ZNF155: variants seen among roughly 807,000 people sequenced by gnomAD.
ZNF155 encodes the protein zinc finger protein 155.
ZNF155 carries 15 observed loss-of-function variants against 11.9 expected under a neutral mutation model. The ratio of observed to expected loss-of-function variants is 1.26; its 90% confidence interval spans 0.84 to 1.94. The LOEUF is 1.94. Ranked by LOEUF, ZNF155 falls within the 30% of genes most tolerant of loss-of-function variation. The pLI is 0.00. For synonymous variants in ZNF155, 212 were observed against 219.9 expected, an observed-to-expected ratio of 0.96 and a Z score of 0.32; for missense variants, 602 against 639.1, an observed-to-expected ratio of 0.94 and a Z score of 0.63.
chr19:43,990,784 A>G (rs1975630773), intron 2 of ZNF155, among the ~76,000 whole-genome samples: 1 of 152,206 alleles, frequency 6.6e-6, no homozygotes, highest in South Asian at 2.1e-4. Context: ...TACGTGAAGC[A>G]GATTTGTTAT....
intron 4 of ZNF155, among the ~76,000 whole-genome samples, chr19:43,994,425 A>G (rs1172450860): frequency 1.3e-5 from 2 of 152,246 alleles, no homozygotes; most frequent in African/African-American, 4.8e-5. Flanking sequence ...TGTTGTGCAG[A>G]GTTCAACCAA....
chr19:43,991,026 G>C (rs1054939724), intron 2 of ZNF155, among the ~76,000 whole-genome samples: 3 of 152,162 alleles, frequency 2.0e-5, no homozygotes, highest in African/African-American at 7.2e-5. Context: ...CAGGAACATT[G>C]CATTGCTAGC....
intron 1 of ZNF155, among the ~76,000 whole-genome samples, chr19:43,985,839 C>T (rs1975422919): frequency 6.6e-6 from 1 of 152,186 alleles, no homozygotes; most frequent in Non-Finnish European, 1.5e-5. Context: ...CGCGCCCGGT[C>T]GCTCTTTTCC....
chr19:43,997,578 A>T lies in ZNF155; in HGVS notation c.*104A>T. 9.3e-7 allele frequency: 1 copy of T among 1,078,818 alleles called. No homozygotes were observed. Among genetic ancestry groups the T allele is most frequent in the Middle Eastern group, 3.1e-4 (1 of 3,218 alleles). The allele number at this position is 1,078,818 out of a possible 1,614,324, so 66.8% of individuals were successfully genotyped here. On this transcript the variant is annotated 3_prime_UTR_variant, in exon 5 of 5. Coordinates refer to ENST00000270014, the MANE Select transcript of ZNF155 (RefSeq NM_198089.3). ...GTATCTGTTACCTCAAACATTTACC[A>T]TTTCTTTGTGTTGGAAAATTCAAAA...
chr19:43,991,365 T>TC (rs1415034225), intron 2 of ZNF155, among the ~76,000 whole-genome samples, 183 bp from the exon 3 acceptor site: 1 of 152,146 alleles, frequency 6.6e-6, no homozygotes, highest in Non-Finnish European at 1.5e-5. Context: ...CTGGTGGAGT[T>TC]CAGGAAAATC....
chr19:43,995,330 T>C (rs536704833), intron 4 of ZNF155, among the ~76,000 whole-genome samples: 4 of 151,746 alleles, frequency 2.6e-5, no homozygotes, highest in South Asian at 2.1e-4. Flanking sequence ...GGTCTTGAAC[T>C]CCTGACCTCA....
intron 4 of ZNF155, among the ~76,000 whole-genome samples, chr19:43,993,094 A>C (rs1398207834): frequency 6.6e-6 from 1 of 152,174 alleles, no homozygotes; most frequent in Non-Finnish European, 1.5e-5. Flanking sequence ...GTCTATATAC[A>C]CTTCACTGGC....
At chr19:43,987,837 A>G (rs1177723664) in intron 1 of ZNF155, among the ~76,000 whole-genome samples, 1 of 152,146 alleles carries the variant, frequency 6.6e-6, no homozygotes, top group Admixed American at 6.6e-5. Context: ...TCCCAATTCT[A>G]TTGAGGTATT....
Position 43,996,975 on chromosome 19 carries a change from A to G in ZNF155, c.1118A>G (p.Asn373Ser). Residue 373 changes from asparagine to serine, a missense_variant, in exon 5 of 5, where the codon AAT (asparagine) becomes AGT (serine). Physicochemically the swap from Asn to Ser is conservative, Grantham distance 46 (BLOSUM62 1). Coordinates refer to ENST00000270014, the MANE Select transcript of ZNF155 (RefSeq NM_198089.3). Reference protein sequence around the residue: ...QVVHTGEKPYNCKECGKSFRW... With the variant: ...QVVHTGEKPYSCKECGKSFRW... ...GTCCACACAGGAGAAAAACCATATA[A>G]TTGTAAAGAATGTGGGAAGAGCTTC... The G allele has an allele frequency of 1.2e-6, 2 of 1,614,168 alleles. No individual in the cohort carries two copies. Among genetic ancestry groups the G allele is most frequent in the Non-Finnish European group, 1.7e-6 (2 of 1,180,004 alleles).
In ZNF155 at chr19:43,996,496, T is replaced by A; in HGVS notation, c.639T>A (p.Phe213Leu). Residue 213 changes from phenylalanine to leucine, a missense_variant, in exon 5 of 5, where the codon TTT (phenylalanine) becomes TTA (leucine). By Grantham distance (22) the Phe-to-Leu change is conservative. Transcript: ENST00000270014. ...TGTGTGATGTGTGTGGCAAGGAATT[T>A]AGTCAAAGCTCACATCTGCAAACTC... ...LFMCDVCGKE[F>L]SQSSHLQTHQ... 1.2e-6 allele frequency: 2 copies of A among 1,614,138 alleles called. No homozygotes were observed. Among genetic ancestry groups the A allele is most frequent in the Non-Finnish European group, 1.7e-6 (2 of 1,180,012 alleles).
At chr19:43,987,479 G>A (rs1975502639) in intron 1 of ZNF155, among the ~76,000 whole-genome samples, 1 of 152,146 alleles carries the variant, frequency 6.6e-6, no homozygotes, top group African/African-American at 2.4e-5. Context: ...CATTGTTATT[G>A]CTTCTGGGCC....
At chr19:43,994,855 C>A (rs1009735599) in intron 4 of ZNF155, among the ~76,000 whole-genome samples, 1 of 152,220 alleles carries the variant, frequency 6.6e-6, no homozygotes, top group African/African-American at 2.4e-5. Context: ...AGTCCACTAA[C>A]TCTCTGTGAC....
At position 43,989,918 on chromosome 19, in the gene ZNF155, C is replaced by G. The variant is rs139577229; in HGVS notation, c.15+1360C>G. 850 of 625,286 alleles carry G rather than the reference C, an allele frequency of 1.4e-3. 8 individuals are homozygous for G. In the Admixed American group the frequency reaches 0.02, roughly 14 times the overall value. The allele number at this position is 625,286 out of a possible 1,614,324, so 38.7% of individuals were successfully genotyped here. On this transcript the variant is annotated intron_variant, in intron 2 of 4. Coordinates refer to ENST00000270014, the MANE Select transcript of ZNF155 (RefSeq NM_198089.3). The stretch of plus-strand genomic sequence containing the variant: ...GATAGGAACAAAGGACACTAAAAGG[C>G]CAATGTAAAAGGAGAAGTAGAGATG...
At position 43,991,669 on chromosome 19, in the gene ZNF155, C is replaced by A; in HGVS notation, c.137C>A (p.Ser46Ter). ...VMLENFRNLL[S>*]VGHQPFHQDT... Reference sequence around the variant, plus strand: ...CTGGAGAACTTCAGGAACCTGCTCTCAGTGGGTGAGCACGGGCATCTTTTG... The same window carrying A: ...CTGGAGAACTTCAGGAACCTGCTCTAAGTGGGTGAGCACGGGCATCTTTTG... The change falls in exon 3 of 5, where the codon TCA (serine) becomes TAA (stop). Residue 46 changes from serine to a stop codon, truncating the protein, a stop_gained. Transcript: ENST00000270014. LOFTEE classifies it high-confidence loss of function. The A allele has an allele frequency of 6.2e-7, 1 of 1,614,098 alleles. No individual in the cohort carries two copies. The highest frequency in any genetic ancestry group is 1.6e-4 in the Middle Eastern group (1 of 6,062).
intron 1 of ZNF155, among the ~76,000 whole-genome samples, chr19:43,984,901 G>A (rs1275499227): frequency 6.6e-6 from 1 of 152,104 alleles, no homozygotes; most frequent in Non-Finnish European, 1.5e-5. Context: ...TATCCGGGAC[G>A]GCGACGCAGA....
chr19:43,991,240 T>C (rs1975650351), intron 2 of ZNF155, among the ~76,000 whole-genome samples: 2 of 152,142 alleles, frequency 1.3e-5, no homozygotes. Flanking sequence ...TGGCAAGATG[T>C]GTCGAACCTA....
chr19:43,989,708 G>A (rs1182505418), intron 2 of ZNF155, among the ~76,000 whole-genome samples: 1 of 152,146 alleles, frequency 6.6e-6, no homozygotes, highest in Non-Finnish European at 1.5e-5. Context: ...TCCAGGCACT[G>A]AAGTATACTG....
intron 2 of ZNF155, chr19:43,990,230 A>G (rs1169473712): frequency 1.7e-6 from 1 of 594,718 alleles, no homozygotes; most frequent in Admixed American, 3.6e-5. Context: ...AGAGAGTAAG[A>G]TGTTCTTACA....
intron 4 of ZNF155, 82 bp downstream of exon 4, chr19:43,992,016 G>A: frequency 8.1e-7 from 1 of 1,228,712 alleles, no homozygotes; most frequent in Non-Finnish European, 1.2e-6. Context: ...GCATTGCTCT[G>A]ATGTAAATGA....
Sources: gnomAD v4.1 joint callset for allele counts (sites outside exome capture counted in the v4.1 genomes callset) on GRCh38, gnomAD v4.1.1 for gene constraint, MANE v1.5 for transcripts, NCBI Gene and HGNC (gene_info 2026-07-23, HGNC 2026-07-21) for gene names.